The following CNTN5 variants were observed in gnomAD, a reference collection of about 807,000 sequenced individuals.
CNTN5 encodes contactin-5.
CNTN5 carries 77 observed loss-of-function variants against 129.1 expected under a neutral mutation model. The observed-to-expected ratio is 0.60, with a 90% CI of 0.50 to 0.72. CNTN5 has a LOEUF of 0.72. CNTN5 is among the 30% of genes least tolerant of loss of function. The pLI is 0.00. For missense variants in CNTN5, 1,478 were observed against 1,328.8 expected (o/e 1.11, Z -1.75); for synonymous variants, 509 against 465.6 (o/e 1.09, Z -1.20).
intron 1 of CNTN5, among the ~76,000 whole-genome samples, chr11:99,183,214 C>T (rs1858168381): frequency 6.6e-6 from 1 of 152,130 alleles, no homozygotes; most frequent in Non-Finnish European, 1.5e-5. Flanking sequence ...ATAACATTTT[C>T]TCATCTTCCT....
chr11:100,037,904 CT>C (rs1439725692), intron 9 of CNTN5, among the ~76,000 whole-genome samples: 9 of 151,974 alleles, frequency 5.9e-5, no homozygotes, highest in Non-Finnish European at 1.2e-4. Flanking sequence ...TTTTGTTGAT[CT>C]TTTCAAAAAA....
At chr11:100,218,211 A>C (rs1949185118) in intron 15 of CNTN5, among the ~76,000 whole-genome samples, 1 of 152,252 alleles carries the variant, frequency 6.6e-6, no homozygotes, top group Non-Finnish European at 1.5e-5. Context: ...CCAAACATTC[A>C]GTATAAAATG....
At position 99,844,897 on chromosome 11, in the gene CNTN5, T is replaced by A. The variant is rs1947633602; in HGVS notation, c.323T>A (p.Ile108Asn). 2 of 1,613,496 alleles carry A rather than the reference T, an allele frequency of 1.2e-6. No homozygotes were observed. The highest frequency in any genetic ancestry group is 2.2e-5 in the South Asian group (2 of 91,074). ...GTTTTTGTGCAAGAACCAGATGATATTATTTTTCCAACTGATTCTGATGAA... is the reference window on the plus strand; with the variant it reads ...GTTTTTGTGCAAGAACCAGATGATAATATTTTTCCAACTGATTCTGATGAA... The part of the protein sequence containing the change: ...GPVFVQEPDD[I>N]IFPTDSDEKK... Residue 108 changes from isoleucine (I) to asparagine (N), a missense_variant, in exon 5 of 25, where the codon ATT becomes AAT. Physicochemically the swap from Ile to Asn is moderately radical, Grantham distance 149. Transcript: ENST00000524871.
intron 3 of CNTN5, among the ~76,000 whole-genome samples, chr11:99,671,096 C>CGCTT (rs1440095142): frequency 6.6e-6 from 1 of 150,898 alleles, no homozygotes; most frequent in East Asian, 1.9e-4. Flanking sequence ...TGAGTTCTCT[C>CGCTT]GCTCGCTCGC....
intron 1 of CNTN5, among the ~76,000 whole-genome samples, chr11:99,279,257 C>T (rs1863587146): frequency 6.6e-6 from 1 of 151,772 alleles, no homozygotes. Context: ...GGAAGCTACA[C>T]CAAAATACAT....
At chr11:99,047,318 G>A (rs1864252968) in intron 1 of CNTN5, among the ~76,000 whole-genome samples, 1 of 149,326 alleles carries the variant, frequency 6.7e-6, no homozygotes. Flanking sequence ...TGAAATAGAT[G>A]TGTTATAAAA....
chr11:99,811,164 C>T (rs1461542293), intron 3 of CNTN5, among the ~76,000 whole-genome samples: 3 of 151,746 alleles, frequency 2.0e-5, no homozygotes, highest in Non-Finnish European at 2.9e-5. Flanking sequence ...TGTCGGGAGT[C>T]GATAGAAAAG....
At chr11:99,244,061 G>A (rs546074131) in intron 1 of CNTN5, among the ~76,000 whole-genome samples, 7 of 152,092 alleles carry the variant, frequency 4.6e-5, no homozygotes, top group African/African-American at 1.7e-4. Flanking sequence ...AGGCAGTATG[G>A]CCATTTTAAT....
chr11:99,309,096 C>T (rs1008112913), intron 1 of CNTN5, among the ~76,000 whole-genome samples: 1 of 151,936 alleles, frequency 6.6e-6, no homozygotes, highest in Non-Finnish European at 1.5e-5. Context: ...AAATTATTTT[C>T]TGCTAACTAC....
intron 6 of CNTN5, among the ~76,000 whole-genome samples, chr11:99,860,609 T>C (rs916864833): frequency 1.3e-5 from 2 of 152,190 alleles, no homozygotes; most frequent in African/African-American, 4.8e-5. Context: ...GAAGATCTGA[T>C]GGCTGTGGAT....
intron 2 of CNTN5, among the ~76,000 whole-genome samples, chr11:99,507,365 G>T (rs1379040487): frequency 3.9e-5 from 4 of 103,112 alleles, no homozygotes; most frequent in Non-Finnish European, 7.3e-5. Context: ...AACAAAAGGA[G>T]ACTCTGTCTC....
chr11:100,149,365 A>C (rs1946968503), intron 13 of CNTN5, among the ~76,000 whole-genome samples: 1 of 152,168 alleles, frequency 6.6e-6, no homozygotes, highest in African/African-American at 2.4e-5. Flanking sequence ...ATTCAAATTG[A>C]ATCAATATCT....
intron 3 of CNTN5, among the ~76,000 whole-genome samples, chr11:99,556,566 T>C (rs1190056424): frequency 8.4e-6 from 1 of 118,628 alleles, no homozygotes; most frequent in Admixed American, 8.7e-5. Context: ...TATATATATA[T>C]ATATATATAT....
chr11:100,026,212 C>G (rs1941412338), intron 9 of CNTN5, among the ~76,000 whole-genome samples: 1 of 152,066 alleles, frequency 6.6e-6, no homozygotes, highest in South Asian at 2.1e-4. Context: ...TTATAAGGGG[C>G]TCTTCCCACT....
At chr11:99,152,134 CT>C (rs1375976292) in intron 1 of CNTN5, among the ~76,000 whole-genome samples, 14 of 152,028 alleles carry the variant, frequency 9.2e-5, no homozygotes, top group Non-Finnish European at 1.2e-4. Flanking sequence ...AATGTATTTC[CT>C]TTTTCTATTT....
intron 15 of CNTN5, among the ~76,000 whole-genome samples, chr11:100,205,129 A>T (rs752666276): frequency 6.6e-6 from 1 of 151,646 alleles, no homozygotes; most frequent in Non-Finnish European, 1.5e-5. Flanking sequence ...TTTTAGATTG[A>T]CTCCTATGTT....
intron 13 of CNTN5, among the ~76,000 whole-genome samples, chr11:100,155,864 G>A (rs1415248766): frequency 6.6e-6 from 1 of 152,132 alleles, no homozygotes; most frequent in East Asian, 1.9e-4. Context: ...TGTATCCTGA[G>A]ACTTTGCTGA....
chr11:99,412,594 A>G (rs1434212433), intron 2 of CNTN5, among the ~76,000 whole-genome samples: 1 of 152,210 alleles, frequency 6.6e-6, no homozygotes, highest in Non-Finnish European at 1.5e-5. Flanking sequence ...TTTATTACAC[A>G]TAATCTTCAC....
At chr11:99,463,108 A>AAATAAAT (rs1944782952) in intron 2 of CNTN5, among the ~76,000 whole-genome samples, 8 of 121,118 alleles carry the variant, frequency 6.6e-5, no homozygotes, top group Non-Finnish European at 1.2e-4. Context: ...ACTCCATCTC[A>AAATAAAT]AAATAAATAA....
Sources: gnomAD v4.1 joint callset for allele counts (sites outside exome capture counted in the v4.1 genomes callset) on GRCh38, gnomAD v4.1.1 for gene constraint, MANE v1.5 for transcripts, NCBI Gene and HGNC (gene_info 2026-07-23, HGNC 2026-07-21) for gene names.